Variants in LMTK3 observed in about 807,000 individuals in gnomAD.
LMTK3 encodes the protein serine/threonine-protein kinase LMTK3.
LMTK3 carries 27 observed loss-of-function variants against 116.7 expected under a neutral mutation model. The observed-to-expected ratio is 0.23, with a 90% CI of 0.17 to 0.32. LMTK3 has a LOEUF of 0.32. Among genes scored for constraint, LMTK3 ranks in the 10% least tolerant of loss-of-function variants. LMTK3 has a pLI of 1.00. For synonymous variants in LMTK3, 965 were observed against 971.0 expected (o/e 0.99, Z 0.11); for missense variants, 1,764 against 2,068.5 (o/e 0.85, Z 2.86).
At position 48,498,440 on chromosome 19, in the gene LMTK3, C is replaced by T; in HGVS notation, c.2629G>A (p.Glu877Lys). ...GTCTCCCGGGCTGTCGCCCCCTTCT[C>T]CCCCAGGAGGTTCCTTGTCACATCC... The part of the protein sequence containing the change: ...REDVTRNLLG[E>K]KGATARETGP... Residue 877 changes from glutamate (E) to lysine (K), a missense_variant, in exon 11 of 15, where the codon GAG becomes AAG. Glu to Lys is a moderately conservative substitution (Grantham distance 56). Around this residue, in one of 7 missense-constraint regions of LMTK3, gnomAD observed 1,028 missense variants for 1,050.6 expected, o/e 0.98. Coordinates refer to ENST00000600059, the MANE Select transcript of LMTK3 (RefSeq NM_001388485.1). 1 of 1,605,088 alleles carries T rather than the reference C, an allele frequency of 6.2e-7. No individual in the cohort carries two copies. Among genetic ancestry groups the T allele is most frequent in the East Asian group, 2.2e-5 (1 of 44,524 alleles).
rs1174114817 is a variant in LMTK3 at position 48,491,761 on chromosome 19, A to G, written c.4093-222T>C. Among the ~76,000 whole-genome samples the G allele has an allele frequency of 6.6e-6, 1 of 152,140 alleles. No homozygotes were observed. Among genetic ancestry groups the G allele is most frequent in the Non-Finnish European group, 1.5e-5 (1 of 68,026 alleles). On this transcript the variant is annotated intron_variant, in intron 12 of 14. Transcript: ENST00000600059. The surrounding 1 kb of genome is among the most constrained non-coding windows in gnomAD (Gnocchi z 5.1). Reference sequence around the variant, plus strand: ...AACCTGGCCAGAGGCTCCTTTCCTGACAGCGGAGCCCCGCGCACAGCTAAG... The same window carrying G: ...AACCTGGCCAGAGGCTCCTTTCCTGGCAGCGGAGCCCCGCGCACAGCTAAG...
At position 48,498,697 on chromosome 19, in the gene LMTK3, C is replaced by T. The variant is rs1382043788; in HGVS notation, c.2372G>A (p.Gly791Glu). Residue 791 changes from glycine (G) to glutamate (E), a missense_variant, in exon 11 of 15, where the codon GGG becomes GAG. By Grantham distance (98) the Gly-to-Glu change is moderately conservative (BLOSUM62 -2). Coordinates refer to ENST00000600059, the MANE Select transcript of LMTK3 (RefSeq NM_001388485.1). ...GGTCTCGGTCTCGTAGCCGCTGTCC[C>T]CCGGCTTGGGGCCCGGCGACGAGAG... Reference protein sequence around the residue: ...SGLSSPGPKPGDSGYETETPF... With the variant: ...SGLSSPGPKPEDSGYETETPF... 1 of 1,534,766 alleles carries T rather than the reference C, an allele frequency of 6.5e-7. No homozygotes were observed. The highest frequency in any genetic ancestry group is 8.7e-7 in the Non-Finnish European group (1 of 1,145,474).
At chr19:48,503,450 C>A (rs2147553353) in intron 5 of LMTK3, among the ~76,000 whole-genome samples, 1 of 152,210 alleles carries the variant, frequency 6.6e-6, no homozygotes, top group African/African-American at 2.4e-5. Flanking sequence ...CCTCACTGGC[C>A]TGCTCCTGGG....
intron 14 of LMTK3, among the ~76,000 whole-genome samples, chr19:48,488,045 T>C (rs535346505): frequency 6.6e-6 from 1 of 152,080 alleles, no homozygotes; most frequent in African/African-American, 2.4e-5. Context: ...GCAGGAATAT[T>C]TGTCAACTGA....
chr19:48,498,467 C>T lies in LMTK3; in HGVS notation c.2602G>A (p.Glu868Lys), dbSNP rs1405635890. The part of the protein sequence containing the change: ...STEQLLMSLR[E>K]DVTRNLLGEK... ...CCCAGGAGGTTCCTTGTCACATCCT[C>T]CCGCAGGGACATCAGCAGCTGTTCC... is the stretch of plus-strand genomic sequence containing the variant. The change falls in exon 11 of 15, where the codon GAG becomes AAG. Residue 868 changes from glutamate to lysine, a missense_variant. Transcript: ENST00000600059. The T allele has an allele frequency of 6.2e-7, 1 of 1,602,058 alleles. No individual in the cohort carries two copies. Among genetic ancestry groups the T allele is most frequent in the Non-Finnish European group, 8.5e-7 (1 of 1,174,332 alleles).
rs576578244 is a variant in LMTK3 at position 48,500,223 on chromosome 19, G to C, written c.1152-306C>G. On this transcript the variant is annotated intron_variant, in intron 10 of 14. Transcript: ENST00000600059. The surrounding 1 kb of genome is among the most constrained non-coding windows in gnomAD (Gnocchi z 4.0). ...GGATCACCTGAGGTCAGGAGTTCAA[G>C]ACCAGCCTGGCTAACATGGTGAAAC... is the stretch of plus-strand genomic sequence containing the variant. Among the ~76,000 whole-genome samples the C allele has an allele frequency of 1.3e-5, 2 of 152,250 alleles. No homozygotes were observed. Among genetic ancestry groups the C allele is most frequent in the East Asian group, 3.9e-4 (2 of 5,166 alleles).
chr19:48,498,260 G>T lies in LMTK3; in HGVS notation c.2809C>A (p.Pro937Thr). ...TCCGCCGCCTTCTCCTCGATGCCTG[G>T]GGCTCTCTGGTCCCCGTTCTCCAGC... is the stretch of plus-strand genomic sequence containing the variant. ...TVLENGDQRA[P>T]GIEEKAAENG... Residue 937 changes from proline to threonine, a missense_variant, in exon 11 of 15, where the codon CCA (proline) becomes ACA (threonine). Pro to Thr is a conservative substitution (Grantham distance 38, BLOSUM62 -1). Transcript: ENST00000600059. The T allele has an allele frequency of 1.9e-6, 3 of 1,613,398 alleles. No individual in the cohort carries two copies. The highest frequency in any genetic ancestry group is 2.5e-6 in the Non-Finnish European group (3 of 1,179,768).
At chr19:48,490,031 A>C (rs898893970) in intron 14 of LMTK3, among the ~76,000 whole-genome samples, 2 of 152,198 alleles carry the variant, frequency 1.3e-5, no homozygotes, top group African/African-American at 4.8e-5. Context: ...CATCGCTAAA[A>C]GTTGGAAACT....
intron 4 of LMTK3, 138 bp downstream of exon 4, chr19:48,509,299 A>AG: frequency 2.9e-6 from 2 of 689,130 alleles, no homozygotes; most frequent in Non-Finnish European, 2.5e-6. Context: ...AGGTGGACGG[A>AG]GGGGGGATGG....
Position 48,501,511 on chromosome 19 carries a change from G to A in LMTK3, c.846C>T (p.Ile282=), listed in dbSNP as rs1417845756. The A allele has an allele frequency of 6.2e-7, 1 of 1,612,476 alleles. No individual in the cohort carries two copies. The highest frequency in any genetic ancestry group is 2.2e-5 in the East Asian group (1 of 44,796). The part of the protein sequence containing the change: ...CLLTSDLTVR[I]GDYGLAHSNY... ...TGCTGTGGGCCAGCCCGTAGTCTCC[G>A]ATGCGCACGGTCAGGTCAGAGGTCA... is the stretch of plus-strand genomic sequence containing the variant. Residue 282 remains isoleucine (I), a synonymous_variant, in exon 8 of 15, where the codon ATC becomes ATT. Transcript: ENST00000600059.
At chr19:48,513,505 G>A, upstream of LMTK3, 1 of 334,282 alleles carries the variant, frequency 3.0e-6, no homozygotes, top group Non-Finnish European at 5.6e-6. The surrounding 1 kb of genome is among the most constrained non-coding windows in gnomAD (Gnocchi z 5.6). Flanking sequence ...GCCGTCTCGG[G>A]GTCACATCCC....
intron 5 of LMTK3, among the ~76,000 whole-genome samples, chr19:48,507,508 G>A (rs1231471534): frequency 6.6e-6 from 1 of 152,228 alleles, no homozygotes; most frequent in East Asian, 1.9e-4. Flanking sequence ...CCTACCAGGG[G>A]AGCCACTGGC....
At chr19:48,511,021 G>A (rs1295452276) in intron 1 of LMTK3, among the ~76,000 whole-genome samples, 1 of 152,188 alleles carries the variant, frequency 6.6e-6, no homozygotes, top group Non-Finnish European at 1.5e-5. Flanking sequence ...CCCCATGCTG[G>A]AACCCCCCAG....
chr19:48,491,082 AG>A lies in LMTK3; in HGVS notation c.4366+25del. The A allele has an allele frequency of 7.6e-7, 1 of 1,318,908 alleles. No individual in the cohort carries two copies. The highest frequency in any genetic ancestry group is 9.7e-7 in the Non-Finnish European group (1 of 1,033,052). 81.7% of individuals were successfully genotyped at this position (1,318,908 alleles called of 1,614,324 possible). A position where few individuals can be genotyped will look rare whatever the true frequency, so the allele number is the denominator to read the frequency against. ...ATAGGGGGACAGAGATGGGCAGAGG[AG>A]GGGGCAGGGCCGAGGATATGGTACC... On this transcript the variant is annotated intron_variant, in intron 14 of 14. Coordinates refer to ENST00000600059, the MANE Select transcript of LMTK3 (RefSeq NM_001388485.1). This position sits in a 1 kb window ranked among gnomAD's most constrained non-coding sequence, Gnocchi z 5.1.
At position 48,494,939 on chromosome 19, in the gene LMTK3, A is replaced by C. The variant is rs1972299996; in HGVS notation, c.3677-830T>G. Among the ~76,000 whole-genome samples, 1 of 151,838 alleles carries C rather than the reference A, an allele frequency of 6.6e-6. No individual in the cohort carries two copies. The highest frequency in any genetic ancestry group is 1.5e-5 in the Non-Finnish European group (1 of 67,994). On this transcript the variant is annotated intron_variant, in intron 11 of 14. Coordinates refer to ENST00000600059, the MANE Select transcript of LMTK3 (RefSeq NM_001388485.1). This position sits in a 1 kb window ranked among gnomAD's most constrained non-coding sequence, Gnocchi z 4.0. Reference sequence around the variant, plus strand: ...CTCCTTTCCTTCACATCTGCTCAAAAGTCACACTTTTGTTGACCAGACATC... The same window carrying C: ...CTCCTTTCCTTCACATCTGCTCAAACGTCACACTTTTGTTGACCAGACATC...
intron 7 of LMTK3, among the ~76,000 whole-genome samples, 163 bp downstream of exon 7, chr19:48,502,270 C>T (rs1205298428): frequency 6.6e-6 from 1 of 150,688 alleles, no homozygotes; most frequent in Non-Finnish European, 1.5e-5. Context: ...CCTCCTGGTC[C>T]CGCCTCCTCT....
At chr19:48,509,190 C>T (rs1337462572) in intron 4 of LMTK3, among the ~76,000 whole-genome samples, 4 of 149,420 alleles carry the variant, frequency 2.7e-5, no homozygotes, top group African/African-American at 9.8e-5. Context: ...GACGGACGGA[C>T]GCGTGGAGAG....
intron 14 of LMTK3, among the ~76,000 whole-genome samples, chr19:48,490,238 G>C (rs898842348): frequency 1.3e-5 from 2 of 152,092 alleles, no homozygotes; most frequent in Non-Finnish European, 2.9e-5. Context: ...ATTGGGACCA[G>C]ACTGGCCAGG....
chr19:48,513,109 G>A (rs756661102), upstream of LMTK3: 14 of 1,573,444 alleles, frequency 8.9e-6, no homozygotes, highest in East Asian at 4.6e-5. This position sits in a 1 kb window ranked among gnomAD's most constrained non-coding sequence, Gnocchi z 5.6. Flanking sequence ...ACACAGACAC[G>A]CGCACAGACA....
Sources: allele counts gnomAD v4.1 joint callset (sites outside exome capture counted in the v4.1 genomes callset), GRCh38; gene constraint gnomAD v4.1.1; regional missense constraint gnomAD v4.1.1; non-coding constraint Gnocchi (gnomAD v3.1); transcripts MANE v1.5; gene names NCBI Gene and HGNC (gene_info 2026-07-23, HGNC 2026-07-21).